PSMD1: variants seen among roughly 807,000 people sequenced by gnomAD.
The protein encoded by PSMD1 is proteasome 26S subunit, non-ATPase 1.
PSMD1 carries 18 observed loss-of-function variants against 119.0 expected under a neutral mutation model. That is an observed-to-expected ratio of 0.15 (90% CI 0.10 to 0.22). The LOEUF (loss-of-function observed/expected upper bound fraction) is 0.22. Among genes scored for constraint, PSMD1 ranks in the 10% least tolerant of loss-of-function variants. The probability of loss-of-function intolerance (pLI) is 1.00; values close to 1 mark genes in which losing one functional copy is unlikely to be tolerated. For missense variants in PSMD1, 702 were observed against 1,158.5 expected (o/e 0.61, Z 5.72); for synonymous variants, 374 against 396.6 (o/e 0.94, Z 0.68).
At chr2:231,135,062 G>A (rs1407296250) in intron 16 of PSMD1, among the ~76,000 whole-genome samples, 11 of 152,164 alleles carry the variant, frequency 7.2e-5, no homozygotes, top group Non-Finnish European at 1.6e-4. Flanking sequence ...AGTCTAGAGT[G>A]GTTTTATTGG....
At chr2:231,161,643 G>GGTGACGATTCAAC in intron 20 of PSMD1, 134 bp downstream of exon 20, 2 of 1,020,812 alleles carry the variant, frequency 2.0e-6, no homozygotes, top group Non-Finnish European at 2.9e-6. Flanking sequence ...TTCCCTTCAA[G>GGTGACGATTCAAC]TTGAATCGTC....
chr2:231,072,283 T>A lies in PSMD1; in HGVS notation c.749T>A (p.Phe250Tyr), dbSNP rs777762805. 1.2e-6 allele frequency: 2 copies of A among 1,614,012 alleles called. No individual in the cohort carries two copies. The highest frequency in any genetic ancestry group is 3.3e-5 in the Admixed American group (2 of 60,032). ...DNLLMAYQICFDLYESASQQF... is the reference protein window; with the variant it reads ...DNLLMAYQICYDLYESASQQF... ...CTCCTGATGGCATATCAGATTTGTT[T>A]TGATTTGTATGAAAGTGCTAGCCAG... Residue 250 changes from phenylalanine to tyrosine, a missense_variant, in exon 7 of 25, where the codon TTT becomes TAT. Coordinates refer to ENST00000308696, the MANE Select transcript of PSMD1 (RefSeq NM_002807.4).
At chr2:231,171,354 A>T (rs1419510710) in intron 24 of PSMD1, among the ~76,000 whole-genome samples, 1 of 152,206 alleles carries the variant, frequency 6.6e-6, no homozygotes, top group African/African-American at 2.4e-5. Flanking sequence ...ATTGACAAAG[A>T]TCATTTACTA....
At chr2:231,061,659 A>G (rs1005476031) in intron 2 of PSMD1, among the ~76,000 whole-genome samples, 2 of 151,682 alleles carry the variant, frequency 1.3e-5, no homozygotes, top group African/African-American at 4.8e-5. Flanking sequence ...GACCTCCTAC[A>G]CTCAAATGAT....
intron 17 of PSMD1, 191 bp downstream of exon 17, chr2:231,139,041 G>A (rs548332858): frequency 1.9e-5 from 13 of 675,316 alleles, no homozygotes; most frequent in Middle Eastern, 2.4e-4. Context: ...AGAATAAATC[G>A]TCACATTACA....
intron 20 of PSMD1, among the ~76,000 whole-genome samples, chr2:231,162,272 C>T (rs1156722750): frequency 2.6e-5 from 4 of 152,214 alleles, no homozygotes; most frequent in South Asian, 2.1e-4. Flanking sequence ...ATAACTCTTA[C>T]ATCTGGTCAT....
intron 16 of PSMD1, among the ~76,000 whole-genome samples, chr2:231,112,916 G>A (rs1359931741): frequency 6.6e-6 from 1 of 152,144 alleles, no homozygotes; most frequent in Non-Finnish European, 1.5e-5. Context: ...TGTAATCCCA[G>A]CACTTTGGGA....
intron 8 of PSMD1, 133 bp from the exon 9 acceptor site, chr2:231,076,901 A>T (rs1160134586): frequency 1.4e-6 from 1 of 715,804 alleles, no homozygotes; most frequent in African/African-American, 1.9e-5. Flanking sequence ...TCTAATAAAG[A>T]AAGAAATAAA....
chr2:231,062,120 A>G, intron 2 of PSMD1, 128 bp from the exon 3 acceptor site: 1 of 599,684 alleles, frequency 1.7e-6, no homozygotes, highest in Non-Finnish European at 3.0e-6. Context: ...AAATTTTTAT[A>G]TTTGTCATAG....
intron 16 of PSMD1, among the ~76,000 whole-genome samples, chr2:231,132,205 GT>G (rs776744656): frequency 3.3e-5 from 5 of 152,168 alleles, no homozygotes; most frequent in Non-Finnish European, 5.9e-5. Context: ...AAGAACTTGA[GT>G]TTTGTGGTTG....
intron 3 of PSMD1, 65 bp from the exon 4 acceptor site, chr2:231,062,441 T>C: frequency 6.4e-7 from 1 of 1,553,820 alleles, no homozygotes; most frequent in South Asian, 1.2e-5. Flanking sequence ...CTTGAATATT[T>C]AGATTTGGGA....
chr2:231,138,642 A>G (rs1464346246), intron 16 of PSMD1, 94 bp from the exon 17 acceptor site: 4 of 852,630 alleles, frequency 4.7e-6, no homozygotes, highest in African/African-American at 1.7e-5. Context: ...ATTGTTTCCT[A>G]TAACTTTTTC....
Position 231,170,786 on chromosome 2 carries a change from A to G in PSMD1, c.*9+65A>G. On this transcript the variant is annotated intron_variant, in intron 24 of 24. Coordinates refer to ENST00000308696, the MANE Select transcript of PSMD1 (RefSeq NM_002807.4). The surrounding 1 kb of genome is among the most constrained non-coding windows in gnomAD (Gnocchi z 4.1). ...CAATACTTCACAAATGTTTTTTGCA[A>G]GGACATCATCTCACGTTTTTCCTTC... is the stretch of plus-strand genomic sequence containing the variant. The G allele has an allele frequency of 6.8e-7, 1 of 1,464,034 alleles. No individual in the cohort carries two copies. 90.7% of individuals were successfully genotyped at this position (1,464,034 alleles called of 1,614,324 possible). A position where few individuals can be genotyped will look rare whatever the true frequency, so the allele number is the denominator to read the frequency against.
intron 16 of PSMD1, among the ~76,000 whole-genome samples, chr2:231,137,224 T>C (rs949286500): frequency 6.6e-6 from 1 of 151,692 alleles, no homozygotes; most frequent in Non-Finnish European, 1.5e-5. Context: ...TTCAAGGGAT[T>C]CTCCTGCTTC....
At position 231,084,887 on chromosome 2, in the gene PSMD1, A is replaced by G; in HGVS notation, c.1723-132A>G. The G allele has an allele frequency of 6.0e-6, 4 of 671,324 alleles. No individual in the cohort carries two copies. In the East Asian group the frequency reaches 1.1e-4, roughly 19 times the overall value. The allele number at this position is 671,324 out of a possible 1,614,324, so 41.6% of individuals were successfully genotyped here. On this transcript the variant is annotated intron_variant, in intron 14 of 24. Coordinates refer to ENST00000308696, the MANE Select transcript of PSMD1 (RefSeq NM_002807.4). ...CCATTTATTTCAAAAACTACCAACC[A>G]CAAAAGAGTTATTGAGCTCATCATT...
intron 19 of PSMD1, among the ~76,000 whole-genome samples, chr2:231,153,895 C>T (rs1018595019): frequency 6.6e-6 from 1 of 151,964 alleles, no homozygotes; most frequent in Non-Finnish European, 1.5e-5. Context: ...GGGTGGATCA[C>T]CTGAGGTTGG....
intron 16 of PSMD1, among the ~76,000 whole-genome samples, chr2:231,121,178 ATTT>A (rs1183611223): frequency 6.6e-6 from 1 of 152,176 alleles, no homozygotes; most frequent in Non-Finnish European, 1.5e-5. Flanking sequence ...TATACAACTT[ATTT>A]CTGATAGTAA....
At chr2:231,109,295 A>T in intron 16 of PSMD1, 3 of 1,614,194 alleles carry the variant, frequency 1.9e-6, no homozygotes, top group Non-Finnish European at 2.5e-6. Context: ...GAAGGCAGCC[A>T]GTGAGCCAAA....
At chr2:231,116,913 T>C (rs1695357549) in intron 16 of PSMD1, among the ~76,000 whole-genome samples, 1 of 151,972 alleles carries the variant, frequency 6.6e-6, no homozygotes, top group Non-Finnish European at 1.5e-5. Flanking sequence ...ATGAAACTAA[T>C]ATAAAAGAAA....
Sources: gnomAD v4.1 joint callset for allele counts (sites outside exome capture counted in the v4.1 genomes callset) on GRCh38, gnomAD v4.1.1 for gene constraint, Gnocchi (gnomAD v3.1) non-coding constraint, MANE v1.5 for transcripts, NCBI Gene and HGNC (gene_info 2026-07-23, HGNC 2026-07-21) for gene names.